The following SLIT3 variants were observed in gnomAD, a reference collection of about 807,000 sequenced individuals.
SLIT3 encodes the protein slit guidance ligand 3, also known as slit homolog 3 protein.
A neutral mutation model predicts 184.0 loss-of-function variants in SLIT3; 68 were observed. The ratio of observed to expected loss-of-function variants is 0.37; its 90% CI spans 0.30 to 0.45. SLIT3 has a LOEUF of 0.45. Among genes scored for constraint, SLIT3 ranks in the 20% least tolerant of loss-of-function variants. SLIT3 has a pLI of 1.00. For missense variants in SLIT3, 1,707 were observed against 2,026.0 expected (o/e 0.84, Z 3.02); for synonymous variants, 831 against 828.6 (o/e 1.00, Z -0.05).
intron 4 of SLIT3, among the ~76,000 whole-genome samples, chr5:169,039,692 G>A (rs1303724913): frequency 6.6e-6 from 1 of 152,144 alleles, no homozygotes; most frequent in Non-Finnish European, 1.5e-5. Flanking sequence ...AAAGTATCAG[G>A]ATGGAGTCCC....
intron 29 of SLIT3, among the ~76,000 whole-genome samples, chr5:168,688,735 C>T (rs970647791): frequency 1.3e-5 from 2 of 152,214 alleles, no homozygotes; most frequent in South Asian, 2.1e-4. Context: ...TTTAAGGAAA[C>T]ACATTGAGAA....
At chr5:168,669,177 GA>G (rs1259529472) in intron 35 of SLIT3, among the ~76,000 whole-genome samples, 1 of 152,190 alleles carries the variant, frequency 6.6e-6, no homozygotes, top group Non-Finnish European at 1.5e-5. Flanking sequence ...CTCCCTCACT[GA>G]ATGTACCTGA....
At chr5:168,796,468 G>C (rs778746643) in intron 9 of SLIT3, among the ~76,000 whole-genome samples, 2 of 152,168 alleles carry the variant, frequency 1.3e-5, no homozygotes, top group Non-Finnish European at 2.9e-5. Flanking sequence ...CCTGGCCCAG[G>C]CTCAGGATCT....
At chr5:169,179,480 T>C (rs982995207) in intron 4 of SLIT3, among the ~76,000 whole-genome samples, 1 of 152,158 alleles carries the variant, frequency 6.6e-6, no homozygotes, top group Admixed American at 6.5e-5. Context: ...CAGAATATTA[T>C]TCCCAGATCT....
chr5:169,263,673 C>T (rs1439158126), intron 1 of SLIT3: 3 of 512,322 alleles, frequency 5.9e-6, no homozygotes, highest in Non-Finnish European at 1.2e-5. Flanking sequence ...TGTGCTAGGG[C>T]TGCCATAGCA....
At chr5:168,753,801 C>G (rs1001280473) in intron 17 of SLIT3, 63 bp downstream of exon 17, 15 of 1,570,982 alleles carry the variant, frequency 9.5e-6, no homozygotes, top group Non-Finnish European at 1.2e-5. Context: ...TAGTCTGTCT[C>G]TAATTCCCCT....
intron 27 of SLIT3, among the ~76,000 whole-genome samples, chr5:168,697,484 A>G (rs1561880326): frequency 6.6e-6 from 1 of 152,136 alleles, no homozygotes; most frequent in Non-Finnish European, 1.5e-5. Flanking sequence ...ATGAATCTCG[A>G]TCTTTCTTTG....
intron 4 of SLIT3, among the ~76,000 whole-genome samples, chr5:169,175,982 C>A (rs1036579708): frequency 1.3e-5 from 2 of 152,210 alleles, no homozygotes; most frequent in African/African-American, 4.8e-5. Context: ...CAACAAAGTC[C>A]ATGAAGTAAG....
chr5:169,251,377 C>G lies in SLIT3; in HGVS notation c.269+11G>C, dbSNP rs775587868. The G allele has an allele frequency of 1.3e-6, 2 of 1,597,114 alleles. No individual in the cohort carries two copies. Among genetic ancestry groups the G allele is most frequent in the Non-Finnish European group, 8.6e-7 (1 of 1,164,520 alleles). On this transcript the variant is annotated intron_variant, in intron 2 of 35. Transcript: ENST00000519560. Reference sequence around the variant, plus strand: ...AAATGAAAACACACTTGAGAGCCATCAACTACTTACAAGACTCGGAGGTTC... The same window carrying G: ...AAATGAAAACACACTTGAGAGCCATGAACTACTTACAAGACTCGGAGGTTC...
At position 169,054,206 on chromosome 5, in the gene SLIT3, A is replaced by G. The variant is rs191112196; in HGVS notation, c.413+139273T>C. Among the ~76,000 whole-genome samples, 883 of 148,988 alleles carry G rather than the reference A, an allele frequency of 5.9e-3. 7 individuals carry two copies. Among genetic ancestry groups the G allele is most frequent in the African/African-American group, 0.021 (836 of 40,112 alleles). On this transcript the variant is annotated intron_variant, in intron 4 of 35. Transcript: ENST00000519560. Reference sequence around the variant, plus strand: ...AAGAGGAGGAAAATGCCATATGAAGAGAGAGACACTAAAAAAAAAAAAAAA... The same window carrying G: ...AAGAGGAGGAAAATGCCATATGAAGGGAGAGACACTAAAAAAAAAAAAAAA...
intron 11 of SLIT3, among the ~76,000 whole-genome samples, chr5:168,786,835 C>A (rs2113578681): frequency 6.6e-6 from 1 of 152,250 alleles, no homozygotes; most frequent in African/African-American, 2.4e-5. Context: ...CCAACCACAG[C>A]ACGGGCTTTG....
intron 9 of SLIT3, among the ~76,000 whole-genome samples, chr5:168,800,050 G>C (rs2113615797): frequency 6.6e-6 from 1 of 152,170 alleles, no homozygotes; most frequent in East Asian, 1.9e-4. Flanking sequence ...ACTCTTGTTA[G>C]GATGTCCAGA....
At chr5:169,059,761 G>T (rs1187208347) in intron 4 of SLIT3, among the ~76,000 whole-genome samples, 2 of 152,244 alleles carry the variant, frequency 1.3e-5, no homozygotes, top group Non-Finnish European at 2.9e-5. Context: ...CAGGTTGAAG[G>T]CTGAGGAGGA....
intron 8 of SLIT3, among the ~76,000 whole-genome samples, chr5:168,810,716 G>GC (rs1050432607): frequency 2.3e-4 from 35 of 152,238 alleles, no homozygotes; most frequent in African/African-American, 8.4e-4. Flanking sequence ...TGTCTTTAAG[G>GC]CCCCCTGGAC....
intron 1 of SLIT3, among the ~76,000 whole-genome samples, chr5:169,282,954 C>G: frequency 6.6e-6 from 1 of 152,194 alleles, no homozygotes; most frequent in East Asian, 1.9e-4. Context: ...TGGGGATTGG[C>G]CCGGGCATCA....
intron 3 of SLIT3, among the ~76,000 whole-genome samples, chr5:169,227,359 G>A (rs577388892): frequency 6.6e-6 from 1 of 152,294 alleles, no homozygotes; most frequent in East Asian, 1.9e-4. Context: ...CACCTTACAT[G>A]CGTTATCTTA....
chr5:168,733,411 C>T (rs1053083363), intron 20 of SLIT3, among the ~76,000 whole-genome samples: 5 of 152,128 alleles, frequency 3.3e-5, no homozygotes, highest in Non-Finnish European at 7.3e-5. Context: ...ATAGAACTAC[C>T]ATTTGATCCA....
chr5:168,819,172 G>A (rs1757438102), intron 7 of SLIT3, among the ~76,000 whole-genome samples: 1 of 152,164 alleles, frequency 6.6e-6, no homozygotes. Flanking sequence ...CTGGACTCTG[G>A]AAAGAAGTGA....
intron 4 of SLIT3, among the ~76,000 whole-genome samples, chr5:168,990,506 A>G (rs993057231): frequency 1.3e-5 from 2 of 152,214 alleles, no homozygotes; most frequent in Admixed American, 1.3e-4. Context: ...AAACTTGATG[A>G]GAATAAAAAA....
Sources: gnomAD v4.1 joint callset for allele counts (sites outside exome capture counted in the v4.1 genomes callset) on GRCh38, gnomAD v4.1.1 for gene constraint, MANE v1.5 for transcripts, NCBI Gene and HGNC (gene_info 2026-07-23, HGNC 2026-07-21) for gene names.